Variants in PACS1 observed in about 807,000 individuals in gnomAD.
PACS1 encodes the protein phosphofurin acidic cluster sorting protein 1.
Under a neutral mutation model 115.0 loss-of-function variants are expected in PACS1, and 24 were observed. The observed-to-expected ratio is 0.21, with a 90% CI of 0.15 to 0.29. PACS1 has a LOEUF of 0.29. PACS1 is among the 10% of genes least tolerant of loss of function. The pLI, the probability that PACS1 is intolerant of heterozygous loss-of-function variation, is 1.00. For missense variants in PACS1, 838 were observed against 1,251.2 expected (o/e 0.67, Z 4.98); for synonymous variants, 453 against 504.5 (o/e 0.90, Z 1.37).
At chr11:66,087,208 A>G (rs891925976) in intron 1 of PACS1, among the ~76,000 whole-genome samples, 8 of 151,540 alleles carry the variant, frequency 5.3e-5, no homozygotes, top group Non-Finnish European at 1.0e-4. Context: ...TACTTCACAC[A>G]GTGGATGAAG....
chr11:66,206,200 T>C (rs1167028694), intron 2 of PACS1, among the ~76,000 whole-genome samples: 2 of 152,136 alleles, frequency 1.3e-5, no homozygotes, highest in African/African-American at 2.4e-5. Context: ...AATATTAATA[T>C]TGGATATTTT....
chr11:66,148,266 C>T lies in PACS1; in HGVS notation c.357-45220C>T, dbSNP rs369171576. Among the ~76,000 whole-genome samples, 21 of 152,266 alleles carry T rather than the reference C, an allele frequency of 1.4e-4. No individual in the cohort carries two copies. In the South Asian group the frequency reaches 4.3e-3, roughly 32 times the overall value. Reference sequence around the variant, plus strand: ...ACCTCCTGGGCTCAAGTGATCCTCTCAGCTTAGCTTCCCAGGTAGCTGGGA... The same window carrying T: ...ACCTCCTGGGCTCAAGTGATCCTCTTAGCTTAGCTTCCCAGGTAGCTGGGA... On this transcript the variant is annotated intron_variant, in intron 1 of 23. Coordinates refer to ENST00000320580, the MANE Select transcript of PACS1 (RefSeq NM_018026.4).
intron 1 of PACS1, among the ~76,000 whole-genome samples, chr11:66,150,222 TAC>T (rs1292022052): frequency 1.3e-5 from 2 of 152,230 alleles, no homozygotes; most frequent in Non-Finnish European, 2.9e-5. Flanking sequence ...GTAATCTATA[TAC>T]AGTTATTTGA....
chr11:66,130,354 C>T (rs146750978), intron 1 of PACS1, among the ~76,000 whole-genome samples: 1 of 151,954 alleles, frequency 6.6e-6, no homozygotes, highest in Non-Finnish European at 1.5e-5. Flanking sequence ...CAGAAGGAAA[C>T]TTCCTTCTGC....
intron 1 of PACS1, among the ~76,000 whole-genome samples, chr11:66,096,209 C>CTTTTTTTTTTTTTTTTTTTTTTT (rs66569530): frequency 8.4e-6 from 1 of 119,508 alleles, no homozygotes; most frequent in African/African-American, 3.6e-5. Flanking sequence ...CTTTTTCTTT[C>CTTTTTTTTTTTTTTTTTTTTTTT]TTTTTTTTTT....
chr11:66,098,611 G>T (rs1423938354), intron 1 of PACS1, among the ~76,000 whole-genome samples: 1 of 152,162 alleles, frequency 6.6e-6, no homozygotes, highest in African/African-American at 2.4e-5. Context: ...AAACCCTATT[G>T]TCCAATCTAT....
chr11:66,148,780 G>C (rs1859177349), intron 1 of PACS1, among the ~76,000 whole-genome samples: 1 of 152,076 alleles, frequency 6.6e-6, no homozygotes, highest in South Asian at 2.1e-4. Flanking sequence ...ACAAAAATTA[G>C]CTGGGCATGT....
rs755634064 is a variant in PACS1, at chr11:66,241,661, C to T, written c.2656+8C>T. ...AAGAAAAGAACAAGAAAGGTAAGTACCCCCAAGGCCGGGGAAGACCATGGG... is the reference window on the plus strand; with the variant it reads ...AAGAAAAGAACAAGAAAGGTAAGTATCCCCAAGGCCGGGGAAGACCATGGG... On this transcript the variant is annotated splice_region_variant and intron_variant, in intron 22 of 23. Transcript: ENST00000320580. 5.6e-6 allele frequency: 9 copies of T among 1,604,386 alleles called. No homozygotes were observed. Among genetic ancestry groups the T allele is most frequent in the Admixed American group, 1.7e-5 (1 of 59,836 alleles).
chr11:66,219,358 C>T (rs141616592), intron 7 of PACS1, among the ~76,000 whole-genome samples: 14 of 151,870 alleles, frequency 9.2e-5, no homozygotes, highest in East Asian at 2.0e-4. Context: ...GAAGACGGGA[C>T]GCTGCGTTCC....
intron 1 of PACS1, among the ~76,000 whole-genome samples, chr11:66,163,923 A>G (rs1200236697): frequency 6.6e-6 from 1 of 152,164 alleles, no homozygotes; most frequent in Non-Finnish European, 1.5e-5. Context: ...TCTGTGACCT[A>G]TTTTTAAAAA....
chr11:66,135,107 G>A (rs1359722657), intron 1 of PACS1, among the ~76,000 whole-genome samples: 3 of 152,084 alleles, frequency 2.0e-5, no homozygotes, highest in Non-Finnish European at 1.5e-5. Flanking sequence ...GTCTGAGGCA[G>A]GAGGATGGCT....
At chr11:66,100,114 A>G (rs1425778193) in intron 1 of PACS1, among the ~76,000 whole-genome samples, 1 of 151,944 alleles carries the variant, frequency 6.6e-6, no homozygotes, top group Non-Finnish European at 1.5e-5. Context: ...TCCTGACCTC[A>G]GGTGATCTGC....
chr11:66,148,982 G>A (rs1367396985), intron 1 of PACS1, among the ~76,000 whole-genome samples: 1 of 152,066 alleles, frequency 6.6e-6, no homozygotes, highest in Non-Finnish European at 1.5e-5. Flanking sequence ...ACATGGAAAG[G>A]TGTCCACTTA....
chr11:66,232,509 C>T (rs972483829), intron 14 of PACS1, among the ~76,000 whole-genome samples: 1 of 151,584 alleles, frequency 6.6e-6, no homozygotes, highest in Non-Finnish European at 1.5e-5. Flanking sequence ...CTTCCTCATA[C>T]GTTAAAAAAC....
At chr11:66,214,817 C>G (rs1855161932) in intron 4 of PACS1, among the ~76,000 whole-genome samples, 1 of 150,172 alleles carries the variant, frequency 6.7e-6, no homozygotes, top group African/African-American at 2.5e-5. Context: ...AGACGGGGTT[C>G]CACCATGTTG....
At chr11:66,205,584 G>A (rs1854916020) in intron 2 of PACS1, among the ~76,000 whole-genome samples, 1 of 149,798 alleles carries the variant, frequency 6.7e-6, no homozygotes, top group African/African-American at 2.5e-5. Flanking sequence ...AAGAATAAAT[G>A]AAAAATAACA....
intron 1 of PACS1, among the ~76,000 whole-genome samples, chr11:66,099,930 C>T (rs1006898045): frequency 3.3e-5 from 5 of 149,964 alleles, no homozygotes; most frequent in African/African-American, 1.2e-4. Flanking sequence ...TTCACCACAA[C>T]CTTGGCTTGC....
chr11:66,167,773 A>G (rs1859642159), intron 1 of PACS1, among the ~76,000 whole-genome samples: 1 of 150,020 alleles, frequency 6.7e-6, no homozygotes, highest in African/African-American at 2.5e-5. Context: ...AGTTATTGAA[A>G]TACTGCCTTT....
chr11:66,091,705 T>C (rs1169408010), intron 1 of PACS1, among the ~76,000 whole-genome samples: 2 of 151,152 alleles, frequency 1.3e-5, no homozygotes, highest in Non-Finnish European at 2.9e-5. Flanking sequence ...CAGAGTGTGA[T>C]GTTCCCCTTC....
Sources: gnomAD v4.1 joint callset for allele counts (sites outside exome capture counted in the v4.1 genomes callset) on GRCh38, gnomAD v4.1.1 for gene constraint, MANE v1.5 for transcripts, NCBI Gene and HGNC (gene_info 2026-07-23, HGNC 2026-07-21) for gene names.